Variants in PTPRD observed in about 807,000 individuals in gnomAD.
The protein encoded by PTPRD is protein tyrosine phosphatase receptor type D.
A neutral mutation model predicts 214.5 loss-of-function variants in PTPRD; 34 were observed. That is an observed-to-expected ratio of 0.16 (90% CI 0.12 to 0.21). PTPRD has a LOEUF of 0.21. Among genes scored for constraint, PTPRD ranks in the 10% least tolerant of loss-of-function variants. The pLI is 1.00. For synonymous variants in PTPRD, 1,128 were observed against 845.7 expected, an observed-to-expected ratio of 1.33 and a Z score of -5.79; for missense variants, 2,545 against 2,398.7, an observed-to-expected ratio of 1.06 and a Z score of -1.27.
chr9:10,543,473 T>TACACACACACACACACAC (rs1462198412), intron 2 of PTPRD, among the ~76,000 whole-genome samples: 2 of 54,342 alleles, frequency 3.7e-5, no homozygotes, highest in African/African-American at 1.0e-4. Context: ...GTTTAATATA[T>TACACACACACACACACAC]ATATATACAC....
At chr9:9,012,676 A>C (rs908145988) in intron 11 of PTPRD, among the ~76,000 whole-genome samples, 2 of 152,258 alleles carry the variant, frequency 1.3e-5, no homozygotes, top group East Asian at 1.9e-4. Context: ...ATAGTATTGA[A>C]ATTTTTTTAT....
intron 4 of PTPRD, among the ~76,000 whole-genome samples, chr9:9,947,346 A>AATATATATAATATATATTCTATATATTAT (rs1307897092): frequency 2.3e-5 from 1 of 43,690 alleles, no homozygotes; most frequent in African/African-American, 1.2e-4. Flanking sequence ...TTATATATAT[A>AATATATATAATATATATTCTATATATTAT]ATATATATTA....
intron 4 of PTPRD, among the ~76,000 whole-genome samples, chr9:9,985,876 G>A (rs115207656): frequency 1.3e-3 from 200 of 151,920 alleles, no homozygotes; most frequent in African/African-American, 4.7e-3. Context: ...TAAACACTGG[G>A]TCAGAACAAG....
At chr9:9,236,975 G>C (rs1324712752) in intron 9 of PTPRD, among the ~76,000 whole-genome samples, 1 of 152,192 alleles carries the variant, frequency 6.6e-6, no homozygotes, top group Admixed American at 6.5e-5. Context: ...AGCCTCAAAA[G>C]GCTTATTAGT....
intron 4 of PTPRD, among the ~76,000 whole-genome samples, chr9:10,029,507 G>A (rs112697984): frequency 0.016 from 2,403 of 152,328 alleles, 74 homozygotes; most frequent in African/African-American, 0.054. Flanking sequence ...AGCATGACCA[G>A]GATGTGAGAC....
chr9:8,445,718 T>C (rs2095698873), intron 34 of PTPRD, among the ~76,000 whole-genome samples: 1 of 152,196 alleles, frequency 6.6e-6, no homozygotes. Flanking sequence ...AACAATTCCA[T>C]ATTGTCTCTG....
At chr9:9,207,841 C>T (rs1239863800) in intron 9 of PTPRD, among the ~76,000 whole-genome samples, 4 of 151,602 alleles carry the variant, frequency 2.6e-5, no homozygotes, top group Admixed American at 2.0e-4. Context: ...GAATAAATCA[C>T]GGTGCATCCA....
intron 5 of PTPRD, among the ~76,000 whole-genome samples, chr9:9,773,384 G>A (rs528635413): frequency 6.6e-6 from 1 of 152,116 alleles, no homozygotes; most frequent in Admixed American, 6.5e-5. Context: ...TGTGGTAACT[G>A]CTTCACTCTT....
At chr9:9,145,344 T>C (rs1232388149) in intron 10 of PTPRD, among the ~76,000 whole-genome samples, 18 of 152,204 alleles carry the variant, frequency 1.2e-4, no homozygotes, top group Non-Finnish European at 1.3e-4. Context: ...TCAAAAAATT[T>C]CCTTTGATTA....
At chr9:9,110,871 C>T (rs930022933) in intron 10 of PTPRD, among the ~76,000 whole-genome samples, 10 of 152,272 alleles carry the variant, frequency 6.6e-5, no homozygotes, top group African/African-American at 2.4e-4. Flanking sequence ...CATTCATTTT[C>T]ATATCACCTG....
At chr9:10,054,713 A>G (rs1342027698) in intron 3 of PTPRD, among the ~76,000 whole-genome samples, 4 of 152,074 alleles carry the variant, frequency 2.6e-5, no homozygotes, top group Non-Finnish European at 5.9e-5. Flanking sequence ...AATCACACTG[A>G]CCAGGCTTTC....
At chr9:8,698,219 C>A (rs1184966582) in intron 12 of PTPRD, among the ~76,000 whole-genome samples, 1 of 152,228 alleles carries the variant, frequency 6.6e-6, no homozygotes, top group Non-Finnish European at 1.5e-5. Context: ...TACTTATGCA[C>A]TGAATACCTA....
intron 7 of PTPRD, among the ~76,000 whole-genome samples, chr9:9,584,219 T>C (rs2091459208): frequency 1.3e-5 from 2 of 151,974 alleles, no homozygotes; most frequent in South Asian, 2.1e-4. Flanking sequence ...ATATATGAAG[T>C]GCCCTGCAAC....
At chr9:9,417,430 T>C (rs16929315) in intron 8 of PTPRD, among the ~76,000 whole-genome samples, 10,571 of 152,192 alleles carry the variant, frequency 0.069, 431 homozygotes, top group Middle Eastern at 0.18. Context: ...CATACTTATT[T>C]TGGGTCTGTG....
chr9:8,714,356 T>TCA (rs2098406581), intron 12 of PTPRD, among the ~76,000 whole-genome samples: 1 of 152,180 alleles, frequency 6.6e-6, no homozygotes, highest in Non-Finnish European at 1.5e-5. Context: ...CCTCCTTTAT[T>TCA]CTGCCCTTTG....
At chr9:10,251,353 G>A (rs1367189954) in intron 3 of PTPRD, among the ~76,000 whole-genome samples, 1 of 151,486 alleles carries the variant, frequency 6.6e-6, no homozygotes, top group African/African-American at 2.4e-5. Flanking sequence ...AGGTCATATG[G>A]CTAAATAGTA....
intron 8 of PTPRD, among the ~76,000 whole-genome samples, chr9:9,549,491 C>T (rs1254250139): frequency 3.3e-5 from 5 of 152,036 alleles, no homozygotes; most frequent in South Asian, 2.1e-4. Context: ...CACATCTCTA[C>T]CAAAATAGAT....
chr9:9,152,407 G>C (rs1341323654), intron 10 of PTPRD, among the ~76,000 whole-genome samples: 3 of 152,054 alleles, frequency 2.0e-5, no homozygotes, highest in African/African-American at 7.2e-5. Context: ...AGGAAATATT[G>C]AACACTTTCA....
intron 14 of PTPRD, among the ~76,000 whole-genome samples, chr9:8,574,162 G>A (rs1305163230): frequency 6.6e-6 from 1 of 151,868 alleles, no homozygotes; most frequent in African/African-American, 2.4e-5. Context: ...CTTTCAGATT[G>A]AAACATGTCT....
Sources: allele counts gnomAD v4.1 joint callset (sites outside exome capture counted in the v4.1 genomes callset), GRCh38; gene constraint gnomAD v4.1.1; transcripts MANE v1.5; gene names NCBI Gene and HGNC (gene_info 2026-07-23, HGNC 2026-07-21).